The following FTCD variants were observed in gnomAD, a reference collection of about 807,000 sequenced individuals.
FTCD encodes the protein formimidoyltransferase cyclodeaminase.
A neutral mutation model predicts 62.9 loss-of-function variants in FTCD; 76 were observed. The observed-to-expected ratio is 1.21, with a 90% CI of 1.00 to 1.46. FTCD has a LOEUF of 1.46. Among genes scored for constraint, FTCD ranks in the 40% most tolerant of loss-of-function variants. FTCD has a pLI of 0.00. For synonymous variants in FTCD, 397 were observed against 336.9 expected, an observed-to-expected ratio of 1.18 and a Z score of -1.95; for missense variants, 845 against 751.3, an observed-to-expected ratio of 1.12 and a Z score of -1.46.
Position 46,151,884 on chromosome 21 carries a change from G to A in FTCD, c.456+8C>T, listed in dbSNP as rs759818287. On this transcript the variant is annotated splice_region_variant and intron_variant, in intron 4 of 13. Transcript: ENST00000397746. Reference sequence around the variant, plus strand: ...CTTCCCAGGCCCGACCGCCCGGGGTGGGGGCACCTTCTTAGGGAGGGCCTC... The same window carrying A: ...CTTCCCAGGCCCGACCGCCCGGGGTAGGGGCACCTTCTTAGGGAGGGCCTC... 7 of 1,557,336 alleles carry A rather than the reference G, an allele frequency of 4.5e-6. No homozygotes were observed. Among genetic ancestry groups the A allele is most frequent in the Admixed American group, 1.9e-5 (1 of 52,042 alleles).
chr21:46,155,319 G>A lies in FTCD; in HGVS notation c.54+151C>T, dbSNP rs151203613. 1,605 of 704,398 alleles carry A rather than the reference G, an allele frequency of 2.3e-3. 11 individuals are homozygous for A. The highest frequency in any genetic ancestry group is 7.9e-3 in the Middle Eastern group (29 of 3,658). The allele number at this position is 704,398 out of a possible 1,614,324, so 43.6% of individuals were successfully genotyped here. On this transcript the variant is annotated intron_variant, in intron 1 of 13. Transcript: ENST00000397746. ...GGCACTCCCCAGGGCCCTGAGCCAC[G>A]GGATGTCCTTGGGGCCCACGGGCAG...
Position 46,151,558 on chromosome 21 carries a change from C to T in FTCD, c.636G>A (p.Gln212=), listed in dbSNP as rs373992149. ...CCATGGGGTCAGTGAACGGGGTCAC[C>T]TGGTCCTTCCCGCGGCCCTGCTCCC... ...NLREQGRGKD[Q]PGRLKKVQGI... The change falls in exon 5 of 14, where the codon CAG becomes CAA. Residue 212 remains glutamine (Q), a splice_region_variant and synonymous_variant. Coordinates refer to ENST00000397746, the MANE Select transcript of FTCD (RefSeq NM_206965.2). 1.9e-5 allele frequency: 30 copies of T among 1,612,084 alleles called. No homozygotes were observed. The highest frequency in any genetic ancestry group is 2.5e-5 in the Non-Finnish European group (30 of 1,179,450).
At chr21:46,142,861 T>C (rs1282220592) in intron 10 of FTCD, 2 of 152,240 alleles carry the variant, frequency 1.3e-5, no homozygotes, top group Admixed American at 1.3e-4. Flanking sequence ...TTTACAAACC[T>C]TTAGCTAGAC....
rs140089224 is a variant in FTCD, at chr21:46,137,320, G to A, written c.1458C>T (p.Ala486=). 1.2e-6 allele frequency: 2 copies of A among 1,613,564 alleles called. No homozygotes were observed. The highest frequency in any genetic ancestry group is 1.1e-5 in the South Asian group (1 of 91,078). The change falls in exon 13 of 14, where the codon GCC becomes GCT. Residue 486 remains alanine, a synonymous_variant. Transcript: ENST00000397746. ...CRSDLQVAAK[A]LEMGVFGAYF... Reference sequence around the variant, plus strand: ...ATGCGCCAAACACGCCCATCTCCAGGGCTTTGGCCGCCACCTGCAAGGACC... The same window carrying A: ...ATGCGCCAAACACGCCCATCTCCAGAGCTTTGGCCGCCACCTGCAAGGACC...
intron 2 of FTCD, 90 bp from the exon 3 acceptor site, chr21:46,153,125 C>G: frequency 7.4e-7 from 1 of 1,352,778 alleles, no homozygotes. Flanking sequence ...TCCTCTCCGG[C>G]CTGGGCAGCC....
chr21:46,145,372 C>T (rs967205049), intron 10 of FTCD, 45 bp downstream of exon 10: 8 of 1,485,266 alleles, frequency 5.4e-6, no homozygotes, highest in East Asian at 5.0e-5. Context: ...GCTGGGGGTT[C>T]GCTGTTGGTG....
At chr21:46,141,957 G>T (rs58113128) in intron 10 of FTCD, among the ~76,000 whole-genome samples, 14,580 of 152,194 alleles carry the variant, frequency 0.096, 1,362 homozygotes, top group East Asian at 0.34. Context: ...GAAAACCCAA[G>T]GGGCCAGGCT....
intron 4 of FTCD, 54 bp from the exon 5 acceptor site, chr21:46,151,791 C>G: frequency 6.3e-7 from 1 of 1,599,888 alleles, no homozygotes; most frequent in South Asian, 1.1e-5. Context: ...GGAACAGCCC[C>G]CCGGGGTCCC....
At position 46,136,971 on chromosome 21, in the gene FTCD, G is replaced by A. The variant is rs765789796; in HGVS notation, c.*16C>T. ...CGAGGGAGGGGCCACAGAGCCCGGA[G>A]AGGCCTCCCGCACCGTCACTCCTGC... On this transcript the variant is annotated 3_prime_UTR_variant, in exon 14 of 14. Transcript: ENST00000397746. 17 of 1,613,048 alleles carry A rather than the reference G, an allele frequency of 1.1e-5. No homozygotes were observed. In the South Asian group the frequency reaches 1.5e-4, roughly 15 times the overall value.
intron 10 of FTCD, chr21:46,142,488 G>T (rs117240691): frequency 6.6e-6 from 1 of 151,796 alleles, no homozygotes; most frequent in Non-Finnish European, 1.5e-5. Flanking sequence ...CCTTCGCAGC[G>T]AGTGTTACAG....
chr21:46,152,068 G>C, intron 3 of FTCD, 88 bp from the exon 4 acceptor site: 6 of 913,542 alleles, frequency 6.6e-6, no homozygotes, highest in African/African-American at 1.6e-5. Flanking sequence ...GCTCCCTCCA[G>C]CCTAACCCAG....
At position 46,136,986 on chromosome 21, in the gene FTCD, G is replaced by GTCAC. The variant is rs1555879385; in HGVS notation, c.1623_1626dup. 6.2e-7 allele frequency: 1 copy of GTCAC among 1,613,080 alleles called. No homozygotes were observed. Among genetic ancestry groups the GTCAC allele is most frequent in the Admixed American group, 1.7e-5 (1 of 60,028 alleles). On this transcript the variant is annotated 3_prime_UTR_variant, in exon 14 of 14. Coordinates refer to ENST00000397746, the MANE Select transcript of FTCD (RefSeq NM_206965.2). The stretch of plus-strand genomic sequence containing the variant: ...AGAGCCCGGAGAGGCCTCCCGCACC[G>GTCAC]TCACTCCTGCCGGGTCTCCAAGCAG...
intron 1 of FTCD, 85 bp downstream of exon 1, chr21:46,155,385 C>T: frequency 1.7e-6 from 2 of 1,164,656 alleles, no homozygotes; most frequent in Non-Finnish European, 2.6e-6. Context: ...GGACACCAAG[C>T]CCACCACCTC....
Position 46,151,453 on chromosome 21 carries a change from C to T in FTCD, c.636+105G>A, listed in dbSNP as rs1326091039. On this transcript the variant is annotated intron_variant, in intron 5 of 13. Coordinates refer to ENST00000397746, the MANE Select transcript of FTCD (RefSeq NM_206965.2). ...TGCAGGTGGGAGGCCGAACCCTGTC[C>T]GGCCGGTGCCCCATCCCCACCGACC... The T allele has an allele frequency of 9.3e-6, 9 of 965,314 alleles. No homozygotes were observed. The African/African-American group carries it at 1.4e-4, about 15-fold the overall frequency. 59.8% of individuals were successfully genotyped at this position (965,314 alleles called of 1,614,324 possible).
rs750187692 is a variant in FTCD, at chr21:46,146,346, G to T, written c.907-19C>A. ...TCACCACCTGGAAAAGGGGCTTGGAGTGGAAACGGCCTCGGCGCGTCTCCA... is the reference window on the plus strand; with the variant it reads ...TCACCACCTGGAAAAGGGGCTTGGATTGGAAACGGCCTCGGCGCGTCTCCA... On this transcript the variant is annotated intron_variant, in intron 7 of 13. Coordinates refer to ENST00000397746, the MANE Select transcript of FTCD (RefSeq NM_206965.2). The T allele has an allele frequency of 1.9e-6, 3 of 1,571,760 alleles. No individual in the cohort carries two copies. The highest frequency in any genetic ancestry group is 2.6e-6 in the Non-Finnish European group (3 of 1,151,468).
chr21:46,148,348 G>C (rs1229723918), intron 7 of FTCD, among the ~76,000 whole-genome samples: 1 of 152,186 alleles, frequency 6.6e-6, no homozygotes, highest in African/African-American at 2.4e-5. Flanking sequence ...AACTGGCTGG[G>C]CGTGTTGGTG....
chr21:46,153,551 C>T (rs1410176052), intron 2 of FTCD, among the ~76,000 whole-genome samples: 33 of 152,298 alleles, frequency 2.2e-4, no homozygotes, highest in Admixed American at 1.5e-3. Flanking sequence ...AGCCGTGGGT[C>T]GGCGCCCACC....
chr21:46,152,140 G>T (rs531916130), intron 3 of FTCD, 160 bp from the exon 4 acceptor site: 134 of 599,454 alleles, frequency 2.2e-4, no homozygotes, highest in Non-Finnish European at 3.5e-4. Flanking sequence ...GATGGATGCG[G>T]GTGGTCCCAG....
Position 46,150,372 on chromosome 21 carries a change from C to G in FTCD, c.774+16G>C, listed in dbSNP as rs771768774. ...GGCTCGCCCCTCACAGCAGCAGCGG[C>G]TGCTCCCGGGCTCACCTGTGCTTCT... On this transcript the variant is annotated intron_variant, in intron 6 of 13. Coordinates refer to ENST00000397746, the MANE Select transcript of FTCD (RefSeq NM_206965.2). 1.2e-5 allele frequency: 20 copies of G among 1,612,512 alleles called. No individual in the cohort carries two copies. Among genetic ancestry groups the G allele is most frequent in the Non-Finnish European group, 1.7e-5 (20 of 1,179,912 alleles).
Sources: gnomAD v4.1 joint callset for allele counts (sites outside exome capture counted in the v4.1 genomes callset) on GRCh38, gnomAD v4.1.1 for gene constraint, MANE v1.5 for transcripts, NCBI Gene and HGNC (gene_info 2026-07-23, HGNC 2026-07-21) for gene names.